The following QTMAN variants were observed in gnomAD, a reference collection of about 807,000 sequenced individuals.
QTMAN encodes queuosine-tRNA mannosyltransferase, also known as tRNA-queuosine alpha-mannosyltransferase.
At chr2:144,236,387 GA>G in the QTMAN span, among the ~76,000 whole-genome samples, 1 of 152,080 alleles carries the variant, frequency 6.6e-6, no homozygotes, top group Non-Finnish European at 1.5e-5. Context: ...GTCTTGAAGA[GA>G]ACTAACATGT....
the QTMAN span, among the ~76,000 whole-genome samples, chr2:144,282,456 A>C: frequency 6.6e-6 from 1 of 151,062 alleles, no homozygotes; most frequent in Admixed American, 6.6e-5. Context: ...TCAGAGGGAT[A>C]GGTACAGATA....
chr2:144,300,023 G>A, the QTMAN span, among the ~76,000 whole-genome samples: 403 of 152,304 alleles, frequency 2.6e-3, 1 homozygote, highest in African/African-American at 9.3e-3. Flanking sequence ...AATCAAAATG[G>A]CAAATGCCGT....
chr2:144,284,077 T>A, the QTMAN span, among the ~76,000 whole-genome samples: 8 of 152,042 alleles, frequency 5.3e-5, no homozygotes, highest in Non-Finnish European at 1.2e-4. Context: ...CAAAGGATAC[T>A]TTTAACTGTC....
chr2:144,015,774 G>A, the QTMAN span, among the ~76,000 whole-genome samples: 99 of 152,290 alleles, frequency 6.5e-4, no homozygotes, highest in African/African-American at 1.9e-3. Context: ...TCAAGCAACA[G>A]GTTATGTTGA....
At chr2:144,182,592 C>T in the QTMAN span, among the ~76,000 whole-genome samples, 21 of 119,324 alleles carry the variant, frequency 1.8e-4, no homozygotes, top group Non-Finnish European at 3.0e-4. Flanking sequence ...TGCAGTGAGC[C>T]AAGATCGCAC....
chr2:144,302,750 A>G, the QTMAN span, among the ~76,000 whole-genome samples: 8 of 152,202 alleles, frequency 5.3e-5, no homozygotes, highest in Admixed American at 5.2e-4. Context: ...ACAAATATTC[A>G]AGAACTATAA....
the QTMAN span, among the ~76,000 whole-genome samples, chr2:144,053,440 C>T: frequency 1.3e-4 from 20 of 152,294 alleles, no homozygotes; most frequent in African/African-American, 4.6e-4. Flanking sequence ...AACCTATATA[C>T]ACACACTTTT....
At chr2:144,141,965 A>G in the QTMAN span, 1 of 1,610,988 alleles carries the variant, frequency 6.2e-7, no homozygotes, top group Non-Finnish European at 8.5e-7. Flanking sequence ...TGGGTCTGTG[A>G]TCAGGAATCA....
the QTMAN span, among the ~76,000 whole-genome samples, chr2:144,095,665 G>T: frequency 6.6e-6 from 1 of 152,032 alleles, no homozygotes; most frequent in Non-Finnish European, 1.5e-5. Flanking sequence ...GGTATTCCTG[G>T]TTAAAAAGAT....
the QTMAN span, among the ~76,000 whole-genome samples, chr2:144,203,899 G>A: frequency 6.6e-6 from 1 of 152,084 alleles, no homozygotes; most frequent in Admixed American, 6.6e-5. Flanking sequence ...ATGGGGAAAG[G>A]ATTCCCTATT....
chr2:144,188,192 G>T, the QTMAN span, among the ~76,000 whole-genome samples: 1 of 152,170 alleles, frequency 6.6e-6, no homozygotes, highest in African/African-American at 2.4e-5. Context: ...AGTGCAAGAA[G>T]AGATAGCCAG....
the QTMAN span, among the ~76,000 whole-genome samples, chr2:144,297,133 T>G: frequency 6.6e-6 from 1 of 152,174 alleles, no homozygotes; most frequent in Non-Finnish European, 1.5e-5. Flanking sequence ...CATTTAACTT[T>G]TCATCATGAA....
At chr2:144,232,221 A>T in the QTMAN span, among the ~76,000 whole-genome samples, 1 of 152,198 alleles carries the variant, frequency 6.6e-6, no homozygotes, top group Non-Finnish European at 1.5e-5. Flanking sequence ...TTGCTAAAGT[A>T]GTGAACCAAT....
chr2:144,027,687 T>A, the QTMAN span, among the ~76,000 whole-genome samples: 1 of 152,210 alleles, frequency 6.6e-6, no homozygotes, highest in Admixed American at 6.5e-5. Context: ...CAGTGCTGAA[T>A]TGCATTTGGA....
chr2:144,262,293 A>C, the QTMAN span, among the ~76,000 whole-genome samples: 1 of 152,134 alleles, frequency 6.6e-6, no homozygotes. Flanking sequence ...CCTGCTATTC[A>C]AGATGCTGTT....
chr2:144,282,143 C>T, the QTMAN span, among the ~76,000 whole-genome samples: 1 of 152,078 alleles, frequency 6.6e-6, no homozygotes, highest in South Asian at 2.1e-4. Context: ...ACCATCTTGA[C>T]ATTATTAATA....
chr2:143,994,570 G>A, the QTMAN span, among the ~76,000 whole-genome samples: 1 of 152,104 alleles, frequency 6.6e-6, no homozygotes, highest in East Asian at 1.9e-4. Flanking sequence ...GAAAGGAAAG[G>A]ACTACTGATA....
the QTMAN span, among the ~76,000 whole-genome samples, chr2:144,091,234 A>AT: frequency 4.4e-4 from 67 of 152,244 alleles, no homozygotes; most frequent in Admixed American, 4.3e-3. Context: ...ATAAATCTAA[A>AT]TGTAAAACCT....
the QTMAN span, among the ~76,000 whole-genome samples, chr2:144,104,273 T>A: frequency 6.6e-6 from 1 of 152,020 alleles, no homozygotes; most frequent in Non-Finnish European, 1.5e-5. Context: ...GAACAGTGGG[T>A]GCAGCCCACC....
Sources: gnomAD v4.1 joint callset for allele counts (sites outside exome capture counted in the v4.1 genomes callset) on GRCh38, gnomAD v4.1.1 for gene constraint, MANE v1.5 for transcripts, NCBI Gene and HGNC (gene_info 2026-07-23, HGNC 2026-07-21) for gene names.